The following INSL6 variants were observed in gnomAD, a reference collection of about 807,000 sequenced individuals.
INSL6 encodes insulin like 6, also known as insulin-like peptide INSL6.
A neutral mutation model predicts 9.4 loss-of-function variants in INSL6; 16 were observed. The ratio of observed to expected loss-of-function variants is 1.70; its 90% CI spans 1.15 to 2.59. The LOEUF (loss-of-function observed/expected upper bound fraction) is 2.59. Ranked by LOEUF, INSL6 falls within the 30% of genes most tolerant of loss-of-function variation. The probability of loss-of-function intolerance (pLI) is 0.00; values close to 1 mark genes in which losing one functional copy is unlikely to be tolerated. For missense variants in INSL6, 391 were observed against 257.3 expected (o/e 1.52, Z -3.56); for synonymous variants, 154 against 96.9 (o/e 1.59, Z -3.46).
chr9:5,173,658 G>T (rs1825234070), intron 1 of INSL6, among the ~76,000 whole-genome samples: 1 of 152,042 alleles, frequency 6.6e-6, no homozygotes, highest in Admixed American at 6.6e-5. Context: ...GCTAATGCAT[G>T]CTGAGCTTAA....
At chr9:5,009,964 G>T in the INSL6 span, among the ~76,000 whole-genome samples, 2 of 152,056 alleles carry the variant, frequency 1.3e-5, no homozygotes, top group Non-Finnish European at 2.9e-5. Flanking sequence ...GTAGAGACAG[G>T]GTCTCGCAAT....
the INSL6 span, chr9:5,099,172 A>G: frequency 6.6e-6 from 1 of 152,356 alleles, no homozygotes; most frequent in African/African-American, 2.4e-5. Context: ...AACAGATGCA[A>G]TCCCCAGATG....
At chr9:5,080,521 C>T in the INSL6 span, 9 of 1,572,574 alleles carry the variant, frequency 5.7e-6, no homozygotes, top group Non-Finnish European at 6.9e-6. Flanking sequence ...GTTTGTGGTT[C>T]TTTAATTATA....
chr9:5,117,875 A>G, the INSL6 span, among the ~76,000 whole-genome samples: 1 of 152,202 alleles, frequency 6.6e-6, no homozygotes, highest in African/African-American at 2.4e-5. Flanking sequence ...GCAGCTAATT[A>G]GATTTTATGA....
the INSL6 span, among the ~76,000 whole-genome samples, chr9:5,102,972 A>G: frequency 6.6e-6 from 1 of 152,178 alleles, no homozygotes; most frequent in Non-Finnish European, 1.5e-5. Flanking sequence ...GATGATAGGA[A>G]GAAACAGCAT....
chr9:5,139,501 AAAG>A (rs1292990216), intron 2 of INSL6, among the ~76,000 whole-genome samples: 2 of 152,146 alleles, frequency 1.3e-5, no homozygotes, highest in African/African-American at 4.8e-5. Context: ...GTGAAAATAA[AAAG>A]AAGTGTTATT....
the INSL6 span, chr9:5,114,365 C>G: frequency 1.9e-6 from 1 of 532,298 alleles, no homozygotes. Context: ...AGTGCAATGG[C>G]ACGTTCACCA....
downstream of INSL6, among the ~76,000 whole-genome samples, chr9:5,160,188 A>AG (rs1458687093): frequency 6.6e-6 from 1 of 151,824 alleles, no homozygotes; most frequent in Non-Finnish European, 1.5e-5. Flanking sequence ...AAAAAAAAAA[A>AG]AAAAAAAAGT....
chr9:5,166,783 G>A (rs930226540), intron 1 of INSL6, among the ~76,000 whole-genome samples: 1 of 152,110 alleles, frequency 6.6e-6, no homozygotes, highest in African/African-American at 2.4e-5. Context: ...AAGCTGCCCA[G>A]CTCATTTTAT....
the INSL6 span, among the ~76,000 whole-genome samples, chr9:5,024,263 A>C: frequency 6.6e-6 from 1 of 152,144 alleles, no homozygotes; most frequent in Non-Finnish European, 1.5e-5. Context: ...CTCAAAAAAA[A>C]ATTTTTTTTT....
the INSL6 span, among the ~76,000 whole-genome samples, chr9:5,043,341 C>T: frequency 2.0e-5 from 3 of 151,620 alleles, no homozygotes; most frequent in African/African-American, 7.3e-5. Flanking sequence ...TGAAACCCTC[C>T]GAAAAAAAGA....
downstream of INSL6, among the ~76,000 whole-genome samples, chr9:5,122,698 G>A (rs962689307): frequency 2.1e-4 from 32 of 151,984 alleles, no homozygotes; most frequent in Admixed American, 1.7e-3. Context: ...GGCACTCTCC[G>A]CCTGGCACAT....
the INSL6 span, chr9:5,041,280 G>T: frequency 9.3e-7 from 1 of 1,079,934 alleles, no homozygotes. Context: ...CTGGCCAAGG[G>T]GTACACTGGT....
At chr9:5,172,464 T>C (rs939708202) in intron 1 of INSL6, among the ~76,000 whole-genome samples, 2 of 151,946 alleles carry the variant, frequency 1.3e-5, no homozygotes, top group Non-Finnish European at 2.9e-5. Flanking sequence ...ACAAATAAGA[T>C]CTAATTAAAC....
chr9:5,145,251 G>C (rs1467777107), intron 2 of INSL6, among the ~76,000 whole-genome samples: 1 of 152,096 alleles, frequency 6.6e-6, no homozygotes, highest in East Asian at 1.9e-4. Flanking sequence ...TGAAATTCTG[G>C]GTTGGAATTT....
At chr9:5,087,749 AGT>A in the INSL6 span, among the ~76,000 whole-genome samples, 4 of 152,112 alleles carry the variant, frequency 2.6e-5, no homozygotes, top group African/African-American at 9.7e-5. Flanking sequence ...CTTCTAATGC[AGT>A]GTGTATCAAG....
the INSL6 span, among the ~76,000 whole-genome samples, chr9:5,027,036 C>T: frequency 3.3e-5 from 5 of 152,200 alleles, no homozygotes; most frequent in Non-Finnish European, 7.3e-5. Context: ...ATTAAAACAA[C>T]TCCTTCTGTG....
the INSL6 span, among the ~76,000 whole-genome samples, chr9:5,020,735 G>T: frequency 6.6e-6 from 1 of 152,188 alleles, no homozygotes; most frequent in Non-Finnish European, 1.5e-5. Context: ...CAGCCCTTCT[G>T]CTGGGAGCAG....
In INSL6 at chr9:5,185,496, T is replaced by C; in HGVS notation, c.107A>G (p.Tyr36Cys). ...ISSARKLCGR[Y>C]LVKEIEKLCG... is the part of the protein sequence containing the mutation. ...GAGTTTTTCTATTTCTTTCACCAAG[T>C]ACCTGCCGCACAGCTTCCTGGCACT... The change falls in exon 1 of 2, where the codon TAC (tyrosine) becomes TGC (cysteine). Residue 36 changes from tyrosine (Y) to cysteine (C), a missense_variant. By Grantham distance (194) the Tyr-to-Cys change is radical. Coordinates refer to ENST00000381641, the MANE Select transcript of INSL6 (RefSeq NM_007179.3). 6.2e-7 allele frequency: 1 copy of C among 1,614,180 alleles called. No homozygotes were observed. Among genetic ancestry groups the C allele is most frequent in the Non-Finnish European group, 8.5e-7 (1 of 1,180,026 alleles).
Sources: allele counts gnomAD v4.1 joint callset (sites outside exome capture counted in the v4.1 genomes callset), GRCh38; gene constraint gnomAD v4.1.1; transcripts MANE v1.5; gene names NCBI Gene and HGNC (gene_info 2026-07-23, HGNC 2026-07-21).